CHPT1: variants seen among roughly 807,000 people sequenced by gnomAD.
CHPT1 encodes the protein cholinephosphotransferase 1.
In CHPT1, 36 loss-of-function variants were observed where a neutral mutation model predicts 47.6. The observed-to-expected ratio is 0.76, with a 90% CI of 0.58 to 1.00. CHPT1 has a LOEUF of 1.00. Ranked by LOEUF, CHPT1 falls within the 50% of genes least tolerant of loss-of-function variation. The pLI is 0.00. For missense variants in CHPT1, 458 were observed against 498.1 expected (o/e 0.92, Z 0.77); for synonymous variants, 194 against 186.3 (o/e 1.04, Z -0.33).
Position 101,697,757 on chromosome 12 carries a change from C to A in CHPT1, c.-105C>A, listed in dbSNP as rs906150917. On this transcript the variant is annotated 5_prime_UTR_variant, in exon 1 of 9. Transcript: ENST00000229266. Reference sequence around the variant, plus strand: ...GCGGGCCCGACCGGTGAGTCCAGCCCGGCAGTCGCAGGACCCGGCCGCCAG... The same window carrying A: ...GCGGGCCCGACCGGTGAGTCCAGCCAGGCAGTCGCAGGACCCGGCCGCCAG... The A allele has an allele frequency of 2.3e-5, 7 of 302,252 alleles. No homozygotes were observed. Among genetic ancestry groups the A allele is most frequent in the Non-Finnish European group, 3.5e-5 (7 of 201,104 alleles). 18.7% of individuals were successfully genotyped at this position (302,252 alleles called of 1,614,324 possible).
At chr12:101,722,736 A>G (rs893790392) in intron 5 of CHPT1, among the ~76,000 whole-genome samples, 3 of 151,432 alleles carry the variant, frequency 2.0e-5, no homozygotes, top group African/African-American at 7.3e-5. Context: ...AGAAAATAGG[A>G]AAAAAGAAGG....
chr12:101,715,648 C>T (rs1198684174), intron 3 of CHPT1, among the ~76,000 whole-genome samples: 2 of 152,044 alleles, frequency 1.3e-5, no homozygotes, highest in Non-Finnish European at 2.9e-5. Flanking sequence ...AAATCTACAG[C>T]TCAGGAAAAA....
At chr12:101,710,841 A>T (rs1951694331) in intron 1 of CHPT1, among the ~76,000 whole-genome samples, 1 of 148,900 alleles carries the variant, frequency 6.7e-6, no homozygotes, top group African/African-American at 2.4e-5. Context: ...AGAGAAATGG[A>T]AGATCCCTCT....
intron 5 of CHPT1, among the ~76,000 whole-genome samples, chr12:101,722,440 C>G (rs1002616537): frequency 1.3e-5 from 2 of 151,532 alleles, no homozygotes; most frequent in Non-Finnish European, 2.9e-5. Flanking sequence ...TAAGCAGTGC[C>G]GAGAGGATAC....
intron 4 of CHPT1, chr12:101,719,665 A>G: frequency 2.7e-6 from 1 of 373,380 alleles, no homozygotes; most frequent in African/African-American, 2.2e-5. Flanking sequence ...CTAAATTCAA[A>G]TGAACTATCC....
chr12:101,703,648 C>T lies in CHPT1; in HGVS notation c.273+5514C>T, dbSNP rs75958635. On this transcript the variant is annotated intron_variant, in intron 1 of 8. Coordinates refer to ENST00000229266, the MANE Select transcript of CHPT1 (RefSeq NM_020244.3). Reference sequence around the variant, plus strand: ...GTTTTACCTTTTCTGACCACCAAGGCTCCTCTGGAGCCTCCCCAGGCCTCA... The same window carrying T: ...GTTTTACCTTTTCTGACCACCAAGGTTCCTCTGGAGCCTCCCCAGGCCTCA... Among the ~76,000 whole-genome samples the T allele has an allele frequency of 2.4e-3, 366 of 152,334 alleles. 13 individuals are homozygous for T. In the East Asian group the frequency reaches 0.066, roughly 27 times the overall value.
At chr12:101,707,977 T>G in intron 1 of CHPT1, among the ~76,000 whole-genome samples, 1 of 152,190 alleles carries the variant, frequency 6.6e-6, no homozygotes, top group Non-Finnish European at 1.5e-5. Flanking sequence ...GCAGTTCACC[T>G]CTGGATGTTT....
chr12:101,702,041 C>T (rs1210047994), intron 1 of CHPT1, among the ~76,000 whole-genome samples: 1 of 152,052 alleles, frequency 6.6e-6, no homozygotes, highest in African/African-American at 2.4e-5. Context: ...TAGTCCCTGG[C>T]CCCCATTCCT....
chr12:101,699,024 G>A (rs1192123269), intron 1 of CHPT1, among the ~76,000 whole-genome samples: 1 of 152,174 alleles, frequency 6.6e-6, no homozygotes, highest in African/African-American at 2.4e-5. Flanking sequence ...ACTCATGGAG[G>A]TTGAGGTTGG....
intron 1 of CHPT1, 118 bp from the exon 2 acceptor site, chr12:101,713,972 G>A: frequency 1.7e-6 from 1 of 595,492 alleles, no homozygotes; most frequent in East Asian, 2.8e-5. Context: ...GTAGAATGAG[G>A]GTTAGAAATG....
chr12:101,706,024 T>A (rs1951626951), intron 1 of CHPT1, among the ~76,000 whole-genome samples: 2 of 152,044 alleles, frequency 1.3e-5, no homozygotes, highest in African/African-American at 4.8e-5. Flanking sequence ...ATTTTCATCA[T>A]CTACGTATTT....
chr12:101,713,160 T>G (rs1269343195), intron 1 of CHPT1, among the ~76,000 whole-genome samples: 2 of 148,580 alleles, frequency 1.3e-5, no homozygotes, highest in African/African-American at 4.9e-5. Flanking sequence ...CTGAGAACTT[T>G]ACCCAATGCC....
At position 101,728,900 on chromosome 12, in the gene CHPT1, G is replaced by C. The variant is rs757066289; in HGVS notation, c.1177-1G>C. The C allele has an allele frequency of 3.9e-5, 63 of 1,613,162 alleles. No homozygotes were observed. The highest frequency in any genetic ancestry group is 5.3e-5 in the Non-Finnish European group (62 of 1,179,616). On this transcript the variant is annotated splice_acceptor_variant, in intron 8 of 8. Coordinates refer to ENST00000229266, the MANE Select transcript of CHPT1 (RefSeq NM_020244.3). LOFTEE classifies it high-confidence loss of function. ...CGTTATAATTGTATCATATTACTTA[G>C]GTTCAAGTTCTTTCTTCAAAGAGTC...
intron 7 of CHPT1, among the ~76,000 whole-genome samples, chr12:101,724,887 T>C (rs1207134614): frequency 6.6e-6 from 1 of 152,080 alleles, no homozygotes; most frequent in Non-Finnish European, 1.5e-5. Flanking sequence ...CATTATTACA[T>C]TTTTTTTCTA....
At chr12:101,699,391 CTT>C (rs5800481) in intron 1 of CHPT1, among the ~76,000 whole-genome samples, 16 of 136,942 alleles carry the variant, frequency 1.2e-4, no homozygotes, top group East Asian at 4.3e-4. Flanking sequence ...TATTTCTTTT[CTT>C]TTTTTTTTTT....
intron 1 of CHPT1, among the ~76,000 whole-genome samples, chr12:101,700,988 G>A (rs1951546525): frequency 6.6e-6 from 1 of 152,020 alleles, no homozygotes; most frequent in Non-Finnish European, 1.5e-5. Flanking sequence ...TTAGATGCTT[G>A]GGCTTATCTA....
chr12:101,717,530 C>A, intron 4 of CHPT1: 1 of 276,256 alleles, frequency 3.6e-6, no homozygotes, highest in Non-Finnish European at 7.2e-6. Flanking sequence ...ATCTGCCCCT[C>A]AGTTTTATCT....
At chr12:101,726,473 T>TGAAG in intron 8 of CHPT1, 69 bp downstream of exon 8, 2 of 1,579,596 alleles carry the variant, frequency 1.3e-6, no homozygotes, top group South Asian at 2.3e-5. Context: ...AATCTATGAG[T>TGAAG]GAAGGAAATC....
intron 2 of CHPT1, 36 bp downstream of exon 2, chr12:101,714,273 C>A: frequency 6.6e-7 from 1 of 1,513,672 alleles, no homozygotes; most frequent in Non-Finnish European, 8.9e-7. Context: ...TTTATGATAC[C>A]TTAAAAATAA....
Sources: gnomAD v4.1 joint callset for allele counts (sites outside exome capture counted in the v4.1 genomes callset) on GRCh38, gnomAD v4.1.1 for gene constraint, MANE v1.5 for transcripts, NCBI Gene and HGNC (gene_info 2026-07-23, HGNC 2026-07-21) for gene names.